SRGAP2: variants seen among roughly 807,000 people sequenced by gnomAD.
SRGAP2 encodes SLIT-ROBO Rho GTPase activating protein 2, also known as SLIT-ROBO Rho GTPase-activating protein 2.
In SRGAP2, 15 loss-of-function variants were observed where a neutral mutation model predicts 57.2. The observed-to-expected ratio is 0.26, with a 90% CI of 0.18 to 0.40. The LOEUF (loss-of-function observed/expected upper bound fraction) is 0.40, where lower values mean the gene tolerates loss of function less well. Ranked by LOEUF, SRGAP2 falls within the 10% of genes least tolerant of loss-of-function variation. The probability of loss-of-function intolerance (pLI) is 1.00; values close to 1 mark genes in which losing one functional copy is unlikely to be tolerated. For synonymous variants in SRGAP2, 249 were observed against 248.0 expected (o/e 1.00, Z -0.04); for missense variants, 520 against 669.6 (o/e 0.78, Z 2.47).
intron 2 of SRGAP2, among the ~76,000 whole-genome samples, chr1:206,245,377 G>A (rs1668481686): frequency 6.6e-6 from 1 of 151,932 alleles, no homozygotes. Flanking sequence ...TTTTTTGTGT[G>A]TGTTATTGTT....
chr1:206,307,233 C>T (rs1459015332), intron 3 of SRGAP2, among the ~76,000 whole-genome samples: 1 of 152,090 alleles, frequency 6.6e-6, no homozygotes, highest in Non-Finnish European at 1.5e-5. Context: ...TAAAGGTTCT[C>T]CACGTCCTCA....
intron 19 of SRGAP2, among the ~76,000 whole-genome samples, chr1:206,451,281 A>T (rs1553375824): frequency 6.6e-6 from 1 of 152,170 alleles, no homozygotes. Context: ...AAGTACAGAC[A>T]TGCGAGTGCC....
At chr1:206,452,964 A>T (rs1175685760) in intron 19 of SRGAP2, among the ~76,000 whole-genome samples, 1 of 152,028 alleles carries the variant, frequency 6.6e-6, no homozygotes, top group Non-Finnish European at 1.5e-5. Flanking sequence ...AGAGAGAAGA[A>T]GATTCCTGGT....
At position 206,391,886 on chromosome 1, in the gene SRGAP2, A is replaced by G. The variant is rs571770601; in HGVS notation, c.487-803A>G. Among the ~76,000 whole-genome samples, 303 of 151,850 alleles carry G rather than the reference A, an allele frequency of 2.0e-3. 2 individuals are homozygous for G. The highest frequency in any genetic ancestry group is 7.0e-3 in the African/African-American group (291 of 41,366). The stretch of plus-strand genomic sequence containing the variant: ...TAGATGGTTGCTTTGATGGAAAATC[A>G]TCCTTCACCTTTTATACTACTTCCC... On this transcript the variant is annotated intron_variant, in intron 5 of 22. Transcript: ENST00000573034.
At chr1:206,340,688 A>C (rs1181810292) in intron 3 of SRGAP2, among the ~76,000 whole-genome samples, 2 of 147,964 alleles carry the variant, frequency 1.4e-5, no homozygotes, top group African/African-American at 2.5e-5. Context: ...TTTGTAACTG[A>C]AATCTAATTG....
rs782255159 is a variant in SRGAP2, at chr1:206,458,637, C to T, written c.2522C>T (p.Pro841Leu). 6.6e-6 allele frequency: 5 copies of T among 760,638 alleles called. No homozygotes were observed. Among genetic ancestry groups the T allele is most frequent in the East Asian group, 2.5e-5 (1 of 40,756 alleles). The allele number at this position is 760,638 out of a possible 1,614,324, so 47.1% of individuals were successfully genotyped here. The change falls in exon 22 of 23, where the codon CCA becomes CTA. Residue 841 changes from proline to leucine, a missense_variant. Physicochemically the swap from Pro to Leu is moderately conservative, Grantham distance 98. Transcript: ENST00000573034. ...TGTGATTGAAGGCAAAGGAAGCGTC[C>T]AGAATCTGGGAGCATCCGGAAAACT... ...LANINKQRKR[P>L]ESGSIRKTFR...
At chr1:206,412,681 C>A (rs1272119104) in intron 10 of SRGAP2, among the ~76,000 whole-genome samples, 2 of 152,060 alleles carry the variant, frequency 1.3e-5, no homozygotes, top group Non-Finnish European at 2.9e-5. Context: ...CCTATTCTTC[C>A]CTTGCATTCT....
intron 4 of SRGAP2, among the ~76,000 whole-genome samples, chr1:206,360,048 C>T (rs1275398902): frequency 3.3e-5 from 5 of 151,724 alleles, no homozygotes; most frequent in Admixed American, 6.6e-5. Flanking sequence ...CCTCGTGATC[C>T]GCCCGCCTCG....
intron 17 of SRGAP2, among the ~76,000 whole-genome samples, chr1:206,443,555 G>T (rs1195783837): frequency 6.6e-6 from 1 of 151,888 alleles, no homozygotes; most frequent in African/African-American, 2.4e-5. Flanking sequence ...TTTTGTATTT[G>T]TAGTAGAGAC....
Position 206,437,008 on chromosome 1 carries a change from G to A in SRGAP2, c.1599G>A (p.Val533=). ...EGIFRVSGSQ[V]EVNDIKNAFE... ...TTTTCCGGGTGTCAGGATCCCAGGT[G>A]GAAGTGAATGACATCAAAAATGCCT... Residue 533 remains valine, a synonymous_variant, in exon 15 of 23, where the codon GTG becomes GTA. Coordinates refer to ENST00000573034, the MANE Select transcript of SRGAP2 (RefSeq NM_015326.5). 1.3e-6 allele frequency: 1 copy of A among 780,776 alleles called. No individual in the cohort carries two copies. The highest frequency in any genetic ancestry group is 2.4e-6 in the Non-Finnish European group (1 of 417,918). The allele number at this position is 780,776 out of a possible 1,614,324, so 48.4% of individuals were successfully genotyped here. A position where few individuals can be genotyped will look rare whatever the true frequency, so the allele number is the denominator to read the frequency against.
At chr1:206,243,532 C>G (rs1553309618) in intron 2 of SRGAP2, among the ~76,000 whole-genome samples, 1 of 152,148 alleles carries the variant, frequency 6.6e-6, no homozygotes, top group African/African-American at 2.4e-5. Flanking sequence ...CAAGAGGCTT[C>G]GAGTCATAGG....
intron 4 of SRGAP2, among the ~76,000 whole-genome samples, chr1:206,359,460 A>G (rs1288882146): frequency 2.1e-3 from 103 of 50,186 alleles, no homozygotes; most frequent in African/African-American, 8.3e-3. Flanking sequence ...AGAAACTTGG[A>G]TAATGACAAT....
At chr1:206,355,167 G>A (rs1553339078) in intron 4 of SRGAP2, among the ~76,000 whole-genome samples, 1 of 152,074 alleles carries the variant, frequency 6.6e-6, no homozygotes, top group African/African-American at 2.4e-5. Flanking sequence ...TCCCTTAAGT[G>A]TACTTTAATC....
intron 7 of SRGAP2, among the ~76,000 whole-genome samples, chr1:206,395,890 A>G (rs1217612641): frequency 6.7e-5 from 10 of 150,126 alleles, no homozygotes; most frequent in African/African-American, 4.9e-5. Flanking sequence ...GTGACATGCC[A>G]TTGAAAAAGA....
chr1:206,458,524 G>A lies in SRGAP2; in HGVS notation c.2508-99G>A, dbSNP rs144044600. On this transcript the variant is annotated intron_variant, in intron 21 of 22. Transcript: ENST00000573034. Reference sequence around the variant, plus strand: ...ACGAGTTCTGTGTCCCTCTCCTTCCGAAGTCCCTGGGTGCCAACATCTGCC... The same window carrying A: ...ACGAGTTCTGTGTCCCTCTCCTTCCAAAGTCCCTGGGTGCCAACATCTGCC... The A allele has an allele frequency of 4.8e-4, 336 of 692,786 alleles. 1 individual carries two copies. The highest frequency in any genetic ancestry group is 1.4e-3 in the Middle Eastern group (6 of 4,232). The allele number at this position is 692,786 out of a possible 1,614,324, so 42.9% of individuals were successfully genotyped here. A position where few individuals can be genotyped will look rare whatever the true frequency, so the allele number is the denominator to read the frequency against.
At chr1:206,214,324 A>G (rs1234225066) in intron 2 of SRGAP2, among the ~76,000 whole-genome samples, 1 of 152,014 alleles carries the variant, frequency 6.6e-6, no homozygotes, top group Non-Finnish European at 1.5e-5. Context: ...TATATAGATT[A>G]TTCCATAATC....
At chr1:206,313,687 T>A (rs1267410555) in intron 3 of SRGAP2, among the ~76,000 whole-genome samples, 1 of 152,220 alleles carries the variant, frequency 6.6e-6, no homozygotes, top group African/African-American at 2.4e-5. Context: ...TAAATAGGTA[T>A]GAACTCTGAT....
chr1:206,458,254 ACTT>A (rs1338278575), intron 21 of SRGAP2: 4 of 450,156 alleles, frequency 8.9e-6, no homozygotes, highest in African/African-American at 4.1e-5. Flanking sequence ...TGATGGTGAG[ACTT>A]CTTCTCCTAG....
At chr1:206,442,651 T>C (rs1572166741) in intron 17 of SRGAP2, among the ~76,000 whole-genome samples, 1 of 152,208 alleles carries the variant, frequency 6.6e-6, no homozygotes, top group East Asian at 1.9e-4. Context: ...TTTATTGGGT[T>C]TTTTTCTGAT....
Sources: allele counts gnomAD v4.1 joint callset (sites outside exome capture counted in the v4.1 genomes callset), GRCh38; gene constraint gnomAD v4.1.1; transcripts MANE v1.5; gene names NCBI Gene and HGNC (gene_info 2026-07-23, HGNC 2026-07-21).